Variants in DNAH9 observed in about 807,000 individuals in gnomAD.
DNAH9 encodes DNAH9 variant protein.
DNAH9 carries 345 observed loss-of-function variants against 471.6 expected under a neutral mutation model. The observed-to-expected ratio is 0.73, with a 90% CI of 0.67 to 0.80. The LOEUF (loss-of-function observed/expected upper bound fraction) is 0.80, where lower values mean the gene tolerates loss of function less well. Ranked by LOEUF, DNAH9 falls within the 30% of genes least tolerant of loss-of-function variation. DNAH9 has a pLI of 0.00. For synonymous variants in DNAH9, 2,093 were observed against 2,123.6 expected, an observed-to-expected ratio of 0.99 and a Z score of 0.40; for missense variants, 5,407 against 5,609.2, an observed-to-expected ratio of 0.96 and a Z score of 1.15.
intron 9 of DNAH9, 126 bp from the exon 10 acceptor site, chr17:11,640,144 G>C: frequency 1.5e-6 from 1 of 645,710 alleles, no homozygotes; most frequent in Non-Finnish European, 2.7e-6. Flanking sequence ...ACTCCAGTGT[G>C]CTCCCAGGTG....
intron 39 of DNAH9, among the ~76,000 whole-genome samples, chr17:11,783,278 C>G (rs1254664100): frequency 6.6e-6 from 1 of 152,212 alleles, no homozygotes; most frequent in African/African-American, 2.4e-5. Flanking sequence ...ACTGCATTCT[C>G]TCCCTTAGAC....
intron 41 of DNAH9, among the ~76,000 whole-genome samples, chr17:11,785,162 G>C (rs1436667635): frequency 6.6e-6 from 1 of 151,864 alleles, no homozygotes; most frequent in Non-Finnish European, 1.5e-5. Context: ...GTCTCCAGAG[G>C]GCCATCTAGC....
chr17:11,659,317 C>G (rs536100005), intron 14 of DNAH9, among the ~76,000 whole-genome samples: 3 of 152,270 alleles, frequency 2.0e-5, no homozygotes, highest in Non-Finnish European at 4.4e-5. Flanking sequence ...GGCAGAAGAG[C>G]TGAGGCAGGG....
intron 43 of DNAH9, 45 bp downstream of exon 43, chr17:11,797,838 C>A (rs891157091): frequency 6.4e-7 from 1 of 1,574,734 alleles, no homozygotes; most frequent in Middle Eastern, 1.7e-4. Context: ...GCTTCCTCTT[C>A]CCAATGACAG....
chr17:11,948,049 GCCA>G (rs1334694812), intron 67 of DNAH9, among the ~76,000 whole-genome samples: 17 of 151,796 alleles, frequency 1.1e-4, no homozygotes, highest in African/African-American at 4.1e-4. Flanking sequence ...ACAGGTGTGA[GCCA>G]CCACGCCTGG....
intron 27 of DNAH9, among the ~76,000 whole-genome samples, chr17:11,724,054 G>T (rs1376535979): frequency 1.3e-5 from 2 of 151,962 alleles, no homozygotes; most frequent in Non-Finnish European, 2.9e-5. Flanking sequence ...GTTATATTTT[G>T]ATGCACATAT....
At chr17:11,778,248 C>T (rs1247941643) in intron 38 of DNAH9, among the ~76,000 whole-genome samples, 1 of 141,300 alleles carries the variant, frequency 7.1e-6, no homozygotes, top group Non-Finnish European at 1.5e-5. Flanking sequence ...ATTGCTTGAA[C>T]CCAGGAGACG....
At chr17:11,783,960 A>G (rs1968762754) in intron 40 of DNAH9, among the ~76,000 whole-genome samples, 1 of 152,080 alleles carries the variant, frequency 6.6e-6, no homozygotes, top group African/African-American at 2.4e-5. Context: ...ATCTGATTTG[A>G]TCCCTCTTTC....
chr17:11,817,789 T>G (rs532824583), intron 45 of DNAH9, among the ~76,000 whole-genome samples: 6 of 152,360 alleles, frequency 3.9e-5, no homozygotes, highest in African/African-American at 1.4e-4. Flanking sequence ...TACAGGAATT[T>G]TATATGCATG....
Position 11,625,412 on chromosome 17 carries a change from C to T in DNAH9, c.1351-4005C>T, listed in dbSNP as rs138529980. On this transcript the variant is annotated intron_variant, in intron 6 of 68. Coordinates refer to ENST00000262442, the MANE Select transcript of DNAH9 (RefSeq NM_001372.4). ...ATTCTGAGCCGAATTGGGTATCTTC[C>T]CTTTTAGCCCGGCTTGAATATGTGG... 2.5e-3 allele frequency among the ~76,000 whole-genome samples: 374 copies of T among 152,282 alleles called. 1 individual carries two copies. The highest frequency in any genetic ancestry group is 8.5e-3 in the African/African-American group (354 of 41,548).
chr17:11,844,032 A>G (rs1328301221), intron 49 of DNAH9, among the ~76,000 whole-genome samples: 4 of 113,924 alleles, frequency 3.5e-5, no homozygotes, highest in Non-Finnish European at 8.2e-5. Flanking sequence ...CACAATAAGT[A>G]TATACTCTTA....
At chr17:11,732,059 G>A (rs1297921070) in intron 28 of DNAH9, among the ~76,000 whole-genome samples, 5 of 152,102 alleles carry the variant, frequency 3.3e-5, no homozygotes, top group Admixed American at 2.0e-4. Flanking sequence ...GACCAACCTC[G>A]AGCTATCTTA....
intron 38 of DNAH9, among the ~76,000 whole-genome samples, chr17:11,779,472 G>T (rs1217113847): frequency 6.6e-6 from 1 of 152,128 alleles, no homozygotes; most frequent in African/African-American, 2.4e-5. Context: ...TTTCTCTGGA[G>T]AATTTAGGAT....
chr17:11,932,728 A>G lies in DNAH9; in HGVS notation c.12297+523A>G, dbSNP rs1299821181. On this transcript the variant is annotated intron_variant, in intron 64 of 68. Coordinates refer to ENST00000262442, the MANE Select transcript of DNAH9 (RefSeq NM_001372.4). This position sits in a 1 kb window ranked among gnomAD's most constrained non-coding sequence, Gnocchi z 4.3. Reference sequence around the variant, plus strand: ...TGTGAGGTGAGAGCCATGGACGCTCAGGAAGTCTAACTAGAGACTCACACA... The same window carrying G: ...TGTGAGGTGAGAGCCATGGACGCTCGGGAAGTCTAACTAGAGACTCACACA... 6.6e-6 allele frequency among the ~76,000 whole-genome samples: 1 copy of G among 152,186 alleles called. No individual in the cohort carries two copies. The highest frequency in any genetic ancestry group is 1.5e-5 in the Non-Finnish European group (1 of 68,032).
chr17:11,839,706 A>G (rs1289046374), intron 49 of DNAH9, among the ~76,000 whole-genome samples: 1 of 152,174 alleles, frequency 6.6e-6, no homozygotes, highest in Non-Finnish European at 1.5e-5. Context: ...CAAATCTTAA[A>G]TACAAATGGA....
intron 5 of DNAH9, among the ~76,000 whole-genome samples, chr17:11,618,571 C>T (rs1003947150): frequency 6.5e-5 from 8 of 123,230 alleles, no homozygotes; most frequent in African/African-American, 2.1e-4. Context: ...GGCGACAGAG[C>T]GAGACTCCAT....
chr17:11,601,497 T>G (rs1484727499), intron 1 of DNAH9, among the ~76,000 whole-genome samples: 3 of 152,148 alleles, frequency 2.0e-5, no homozygotes, highest in African/African-American at 7.2e-5. Context: ...CGTTTAAATT[T>G]TTGCCCCATG....
At chr17:11,658,159 A>G (rs1184665112) in intron 14 of DNAH9, among the ~76,000 whole-genome samples, 1 of 152,144 alleles carries the variant, frequency 6.6e-6, no homozygotes, top group Non-Finnish European at 1.5e-5. Flanking sequence ...TGAACCCGGC[A>G]TATCTCTTCA....
chr17:11,942,534 G>C, intron 67 of DNAH9, 49 bp downstream of exon 67: 1 of 1,567,200 alleles, frequency 6.4e-7, no homozygotes, highest in South Asian at 1.2e-5. Context: ...AGAGGACACA[G>C]ATGGACCCCT....
Sources: allele counts gnomAD v4.1 joint callset (sites outside exome capture counted in the v4.1 genomes callset), GRCh38; gene constraint gnomAD v4.1.1; non-coding constraint Gnocchi (gnomAD v3.1); transcripts MANE v1.5; gene names NCBI Gene and HGNC (gene_info 2026-07-23, HGNC 2026-07-21).